The following RIMBP2 variants were observed in gnomAD, a reference collection of about 807,000 sequenced individuals.
The protein encoded by RIMBP2 is RIMS-binding protein 2.
RIMBP2 carries 48 observed loss-of-function variants against 118.6 expected under a neutral mutation model. The observed-to-expected ratio is 0.40, with a 90% CI of 0.32 to 0.51. RIMBP2 has a LOEUF of 0.51. Among genes scored for constraint, RIMBP2 ranks in the 20% least tolerant of loss-of-function variants. The probability of loss-of-function intolerance (pLI) is 0.41; values close to 1 mark genes in which losing one functional copy is unlikely to be tolerated. For missense variants in RIMBP2, 1,551 were observed against 1,768.3 expected, an observed-to-expected ratio of 0.88 and a Z score of 2.20; for synonymous variants, 762 against 742.9, an observed-to-expected ratio of 1.03 and a Z score of -0.42.
chr12:130,704,514 G>A (rs1223930339), intron 1 of RIMBP2, among the ~76,000 whole-genome samples: 4 of 152,148 alleles, frequency 2.6e-5, no homozygotes, highest in Non-Finnish European at 5.9e-5. Context: ...GGCAGAGGTT[G>A]CAGTGAGCCA....
At chr12:130,423,495 T>C (rs1052421716) in intron 16 of RIMBP2, among the ~76,000 whole-genome samples, 5 of 151,928 alleles carry the variant, frequency 3.3e-5, no homozygotes, top group African/African-American at 4.8e-5. Context: ...GGACACAATA[T>C]AGAGATGAAT....
chr12:130,406,572 G>A (rs1051809893), intron 20 of RIMBP2, among the ~76,000 whole-genome samples: 5 of 152,214 alleles, frequency 3.3e-5, no homozygotes, highest in African/African-American at 1.2e-4. Context: ...TTAGGGAAAT[G>A]TTCTCTGCAG....
intron 1 of RIMBP2, among the ~76,000 whole-genome samples, chr12:130,633,131 C>T (rs989015965): frequency 1.2e-4 from 18 of 152,176 alleles, no homozygotes; most frequent in Non-Finnish European, 1.5e-5. Flanking sequence ...AGCACCCTCA[C>T]GTTTTGCTGT....
rs186783416 is a variant in RIMBP2, at chr12:130,662,203, C to T, written c.-351-33747G>A. On this transcript the variant is annotated intron_variant, in intron 1 of 22. Coordinates refer to ENST00000690449, the MANE Select transcript of RIMBP2 (RefSeq NM_001393629.1). ...CCCTCAATCCAGCCAGTAGCTGACC[C>T]GTCACGCTCTGGGGAGAGGTCAGTC... Among the ~76,000 whole-genome samples, 20 of 152,310 alleles carry T rather than the reference C, an allele frequency of 1.3e-4. No individual in the cohort carries two copies. The East Asian group carries it at 2.7e-3, about 21-fold the overall frequency.
At chr12:130,546,117 T>TTTG (rs1555287425) in intron 2 of RIMBP2, among the ~76,000 whole-genome samples, 4 of 147,894 alleles carry the variant, frequency 2.7e-5, no homozygotes, top group South Asian at 2.2e-4. Context: ...TTTTTTTTTT[T>TTTG]GGGATGGAGT....
At chr12:130,452,400 A>AGCCCTGCCCTGGGGTC (rs1296044420) in intron 7 of RIMBP2, among the ~76,000 whole-genome samples, 2 of 152,230 alleles carry the variant, frequency 1.3e-5, no homozygotes, top group Non-Finnish European at 2.9e-5. Context: ...GAGCTGGGGC[A>AGCCCTGCCCTGGGGTC]GCCCTGCCCT....
intron 21 of RIMBP2, among the ~76,000 whole-genome samples, chr12:130,402,883 G>A (rs1001300407): frequency 5.3e-5 from 8 of 152,236 alleles, no homozygotes; most frequent in African/African-American, 1.9e-4. Flanking sequence ...ATACCGAGAT[G>A]CTGGGCTATA....
At position 130,688,608 on chromosome 12, in the gene RIMBP2, C is replaced by T. The variant is rs150028115; in HGVS notation, c.-352+27614G>A. ...CCCTTAGGACTCTGAGCACAGCCGGCGGGCATTCTCCCAGCCCTGCAGCAG... is the reference window on the plus strand; with the variant it reads ...CCCTTAGGACTCTGAGCACAGCCGGTGGGCATTCTCCCAGCCCTGCAGCAG... On this transcript the variant is annotated intron_variant, in intron 1 of 22. Transcript: ENST00000690449. The surrounding 1 kb of genome is among the most constrained non-coding windows in gnomAD (Gnocchi z 4.7). Among the ~76,000 whole-genome samples the T allele has an allele frequency of 4.9e-3, 739 of 152,058 alleles. 1 individual carries two copies. The highest frequency in any genetic ancestry group is 8.4e-3 in the Non-Finnish European group (573 of 68,002).
intron 2 of RIMBP2, among the ~76,000 whole-genome samples, chr12:130,590,019 G>C (rs77239752): frequency 6.6e-6 from 1 of 152,214 alleles, no homozygotes; most frequent in Admixed American, 6.5e-5. Flanking sequence ...GTTTCTGGGA[G>C]GGATTGGAGT....
At chr12:130,696,277 C>A (rs548744841) in intron 1 of RIMBP2, among the ~76,000 whole-genome samples, 1 of 152,314 alleles carries the variant, frequency 6.6e-6, no homozygotes, top group Admixed American at 6.5e-5. Context: ...GAGACAGACC[C>A]AGCTCCTGAA....
chr12:130,545,866 C>T (rs570744813), intron 2 of RIMBP2, among the ~76,000 whole-genome samples: 7 of 152,264 alleles, frequency 4.6e-5, no homozygotes, highest in Non-Finnish European at 7.3e-5. Context: ...GTGCCAATAC[C>T]GTTCTTATCT....
In RIMBP2 at chr12:130,442,880, T is replaced by C. The variant is rs1010033053; in HGVS notation, c.692-220A>G. On this transcript the variant is annotated intron_variant, in intron 10 of 22. Coordinates refer to ENST00000690449, the MANE Select transcript of RIMBP2 (RefSeq NM_001393629.1). The surrounding 1 kb of genome is among the most constrained non-coding windows in gnomAD (Gnocchi z 6.9). ...CCGTGGCCCAGTCTTCTTTTCTCCATGATACTTATCGCAACCTGAAACCAT... is the reference window on the plus strand; with the variant it reads ...CCGTGGCCCAGTCTTCTTTTCTCCACGATACTTATCGCAACCTGAAACCAT... 2.6e-5 allele frequency among the ~76,000 whole-genome samples: 4 copies of C among 151,406 alleles called. No individual in the cohort carries two copies. The highest frequency in any genetic ancestry group is 4.1e-4 in the South Asian group (2 of 4,830).
At chr12:130,448,013 C>T (rs891692462) in intron 9 of RIMBP2, among the ~76,000 whole-genome samples, 1 of 151,988 alleles carries the variant, frequency 6.6e-6, no homozygotes, top group African/African-American at 2.4e-5. Flanking sequence ...TGCAAAGCCA[C>T]CTCTTAGGGG....
intron 3 of RIMBP2, among the ~76,000 whole-genome samples, chr12:130,513,882 T>C (rs1179013152): frequency 6.6e-6 from 1 of 152,230 alleles, no homozygotes; most frequent in Non-Finnish European, 1.5e-5. Context: ...GATAGGGGAA[T>C]TGCTGATCCC....
chr12:130,687,646 A>C (rs1163880760), intron 1 of RIMBP2, among the ~76,000 whole-genome samples: 1 of 152,198 alleles, frequency 6.6e-6, no homozygotes, highest in Non-Finnish European at 1.5e-5. Context: ...TCAGAATGGA[A>C]AATCATTTAG....
chr12:130,424,758 G>A lies in RIMBP2; in HGVS notation c.2513C>T (p.Ala838Val), dbSNP rs550569064. 235 of 1,232,404 alleles carry A rather than the reference G, an allele frequency of 1.9e-4. No individual in the cohort carries two copies. The highest frequency in any genetic ancestry group is 1.8e-3 in the East Asian group (58 of 31,692). 76.3% of individuals were successfully genotyped at this position (1,232,404 alleles called of 1,614,324 possible). ...RKRLFSIPEV[A>V]EEDGECCGLL... Reference sequence around the variant, plus strand: ...CCCACAGCACTCTCCGTCCTCTTCCGCTACTTCGGGGATACTGAAAAGTCT... The same window carrying A: ...CCCACAGCACTCTCCGTCCTCTTCCACTACTTCGGGGATACTGAAAAGTCT... The change falls in exon 16 of 23, where the codon GCG (alanine) becomes GTG (valine). Residue 838 changes from alanine (A) to valine (V), a missense_variant. By Grantham distance (64) the Ala-to-Val change is moderately conservative. Transcript: ENST00000690449. This position sits in a 1 kb window ranked among gnomAD's most constrained non-coding sequence, Gnocchi z 9.8.
intron 19 of RIMBP2, among the ~76,000 whole-genome samples, chr12:130,411,752 C>T (rs181695391): frequency 5.9e-4 from 90 of 152,032 alleles, no homozygotes; most frequent in African/African-American, 2.0e-3. Flanking sequence ...TTAATGTGGG[C>T]GATATATTCA....
intron 2 of RIMBP2, among the ~76,000 whole-genome samples, chr12:130,572,381 C>T (rs532134219): frequency 1.4e-4 from 21 of 152,246 alleles, no homozygotes; most frequent in African/African-American, 5.1e-4. Flanking sequence ...CACAAAAAAC[C>T]CATTGATTTT....
At chr12:130,556,027 C>CT in intron 2 of RIMBP2, among the ~76,000 whole-genome samples, 1 of 152,304 alleles carries the variant, frequency 6.6e-6, no homozygotes, top group East Asian at 1.9e-4. Flanking sequence ...TCTGCCCCCT[C>CT]GTACTTCGGG....
Sources: gnomAD v4.1 joint callset for allele counts (sites outside exome capture counted in the v4.1 genomes callset) on GRCh38, gnomAD v4.1.1 for gene constraint, Gnocchi (gnomAD v3.1) non-coding constraint, MANE v1.5 for transcripts, NCBI Gene and HGNC (gene_info 2026-07-23, HGNC 2026-07-21) for gene names.